IL23R: variants seen among roughly 807,000 people sequenced by gnomAD.
IL23R encodes the protein interleukin-23 receptor.
IL23R carries 34 observed loss-of-function variants against 56.9 expected under a neutral mutation model. The observed-to-expected ratio is 0.60, with a 90% CI of 0.45 to 0.80. The LOEUF (loss-of-function observed/expected upper bound fraction) is 0.80, where lower values mean the gene tolerates loss of function less well. Among genes scored for constraint, IL23R ranks in the 30% least tolerant of loss-of-function variants. The pLI is 0.00. For synonymous variants in IL23R, 230 were observed against 249.2 expected (o/e 0.92, Z 0.73); for missense variants, 635 against 730.0 (o/e 0.87, Z 1.50).
At chr1:67,245,858 CT>C (rs1000520479) in intron 9 of IL23R, among the ~76,000 whole-genome samples, 23 of 152,166 alleles carry the variant, frequency 1.5e-4, no homozygotes, top group Middle Eastern at 6.8e-3. Flanking sequence ...TCTTTTTCTA[CT>C]GTTTGGAACA....
intron 9 of IL23R, among the ~76,000 whole-genome samples, chr1:67,245,595 A>G (rs1377308753): frequency 1.3e-5 from 2 of 152,112 alleles, no homozygotes; most frequent in Non-Finnish European, 2.9e-5. Flanking sequence ...AGTTCTGTTT[A>G]TGTGATGGAT....
chr1:67,160,533 C>G (rs1646809023), intron 1 of IL23R, among the ~76,000 whole-genome samples: 1 of 152,200 alleles, frequency 6.6e-6, no homozygotes, highest in Non-Finnish European at 1.5e-5. Context: ...GCAAACCAGA[C>G]TATCTTATTG....
chr1:67,219,033 A>G (rs954435279), intron 6 of IL23R, among the ~76,000 whole-genome samples: 2 of 152,034 alleles, frequency 1.3e-5, no homozygotes, highest in African/African-American at 4.8e-5. Flanking sequence ...ATATAATATC[A>G]CATTTGGACT....
chr1:67,156,771 C>T (rs995150922), intron 1 of IL23R, among the ~76,000 whole-genome samples: 4 of 152,156 alleles, frequency 2.6e-5, no homozygotes, highest in Admixed American at 6.5e-5. Context: ...ACCTGCTGAG[C>T]GAGACCACTT....
intron 7 of IL23R, among the ~76,000 whole-genome samples, chr1:67,227,982 CTTTCTTT>C (rs1558253941): frequency 6.7e-5 from 6 of 89,636 alleles, no homozygotes; most frequent in Non-Finnish European, 1.4e-4. Flanking sequence ...TTCTTTCTTT[CTTTCTTT>C]CTTTCTTTCT....
At chr1:67,228,953 C>T (rs1163691212) in intron 7 of IL23R, among the ~76,000 whole-genome samples, 3 of 152,190 alleles carry the variant, frequency 2.0e-5, no homozygotes, top group Non-Finnish European at 4.4e-5. Flanking sequence ...CTCAATTTCT[C>T]TTGCTATATA....
At chr1:67,213,146 C>A (rs1320291050) in intron 6 of IL23R, among the ~76,000 whole-genome samples, 2 of 152,156 alleles carry the variant, frequency 1.3e-5, no homozygotes, top group African/African-American at 4.8e-5. Context: ...AGGTGCGAGC[C>A]ACTGCGCCCG....
chr1:67,207,166 G>T (rs1570849258), intron 6 of IL23R, 111 bp downstream of exon 6: 5 of 1,176,174 alleles, frequency 4.3e-6, no homozygotes, highest in Admixed American at 1.8e-5. Context: ...TAATCTGATT[G>T]TTTGCATGAT....
intron 1 of IL23R, among the ~76,000 whole-genome samples, chr1:67,167,534 T>A (rs1000363927): frequency 6.6e-6 from 1 of 152,196 alleles, no homozygotes; most frequent in African/African-American, 2.4e-5. Context: ...GATAAGTATG[T>A]AACTTTGGCA....
chr1:67,209,951 G>T (rs2102643607), intron 6 of IL23R, among the ~76,000 whole-genome samples: 1 of 152,270 alleles, frequency 6.6e-6, no homozygotes, highest in East Asian at 1.9e-4. Context: ...AGTGATCATG[G>T]ATAAAAAATT....
intron 5 of IL23R, among the ~76,000 whole-genome samples, chr1:67,203,365 C>G (rs1648769334): frequency 6.6e-6 from 1 of 152,042 alleles, no homozygotes; most frequent in Non-Finnish European, 1.5e-5. Flanking sequence ...TACCACCATC[C>G]CACCTCCCAC....
At chr1:67,186,766 A>G (rs1257222726) in intron 4 of IL23R, among the ~76,000 whole-genome samples, 1 of 151,890 alleles carries the variant, frequency 6.6e-6, no homozygotes, top group Non-Finnish European at 1.5e-5. Flanking sequence ...TTACAGGTGC[A>G]CGCCACCACG....
intron 2 of IL23R, 63 bp from the exon 3 acceptor site, chr1:67,169,278 AT>A: frequency 7.9e-7 from 1 of 1,261,426 alleles, no homozygotes; most frequent in Non-Finnish European, 1.1e-6. Context: ...GCAATAGCAT[AT>A]TCTTCTGAAT....
chr1:67,155,571 C>T (rs1646764471), intron 1 of IL23R, among the ~76,000 whole-genome samples: 1 of 152,126 alleles, frequency 6.6e-6, no homozygotes, highest in Non-Finnish European at 1.5e-5. Context: ...CTTTCTTCCA[C>T]TTGATTGATT....
intron 10 of IL23R, among the ~76,000 whole-genome samples, chr1:67,256,649 A>G (rs1472782254): frequency 6.6e-6 from 1 of 152,148 alleles, no homozygotes; most frequent in Non-Finnish European, 1.5e-5. Context: ...GAGCCCAAAC[A>G]TGTGATGGGA....
chr1:67,237,487 A>T (rs531210810), intron 8 of IL23R, among the ~76,000 whole-genome samples: 1 of 152,260 alleles, frequency 6.6e-6, no homozygotes, highest in Non-Finnish European at 1.5e-5. Context: ...CATCTATTTT[A>T]TAATGAGGAA....
intron 6 of IL23R, among the ~76,000 whole-genome samples, chr1:67,216,545 CTG>C (rs1158815180): frequency 1.3e-5 from 2 of 152,160 alleles, no homozygotes; most frequent in African/African-American, 4.8e-5. Context: ...CTACTCAACT[CTG>C]TGTTTGTAGC....
intron 9 of IL23R, among the ~76,000 whole-genome samples, chr1:67,249,217 C>A (rs552183444): frequency 6.6e-6 from 1 of 152,310 alleles, no homozygotes; most frequent in East Asian, 1.9e-4. Flanking sequence ...CTTTGGTTAG[C>A]AGTCTTATAA....
intron 6 of IL23R, among the ~76,000 whole-genome samples, chr1:67,208,270 T>C (rs770918886): frequency 1.3e-5 from 2 of 152,074 alleles, no homozygotes; most frequent in Non-Finnish European, 2.9e-5. Context: ...GAAAAACCCA[T>C]TCTGGGGGGG....
Sources: allele counts gnomAD v4.1 joint callset (sites outside exome capture counted in the v4.1 genomes callset), GRCh38; gene constraint gnomAD v4.1.1; transcripts MANE v1.5; gene names NCBI Gene and HGNC (gene_info 2026-07-23, HGNC 2026-07-21).